The following TMEM144 variants were observed in gnomAD, a reference collection of about 807,000 sequenced individuals.
TMEM144 encodes the protein transmembrane protein 144.
In TMEM144, 39 loss-of-function variants were observed where a neutral mutation model predicts 43.6. That is an observed-to-expected ratio of 0.90 (90% CI 0.69 to 1.17). The LOEUF (loss-of-function observed/expected upper bound fraction) is 1.17. TMEM144 is among the 50% of genes most tolerant of loss of function. The probability of loss-of-function intolerance (pLI) is 0.00; values close to 1 mark genes in which losing one functional copy is unlikely to be tolerated. For missense variants in TMEM144, 417 were observed against 411.9 expected (o/e 1.01, Z -0.11); for synonymous variants, 154 against 133.6 (o/e 1.15, Z -1.06).
At chr4:158,212,533 A>C (rs528622509) in intron 2 of TMEM144, 75 bp from the exon 3 acceptor site, 2 of 610,840 alleles carry the variant, frequency 3.3e-6, no homozygotes, top group Non-Finnish European at 5.6e-6. Context: ...TGAAAAATTC[A>C]ATAAATATAA....
At chr4:158,233,114 A>T (rs1735165350) in intron 7 of TMEM144, 132 bp downstream of exon 7, 1 of 640,748 alleles carries the variant, frequency 1.6e-6, no homozygotes, top group Non-Finnish European at 2.7e-6. Context: ...ATCTTAGCTT[A>T]TTTATTATGG....
chr4:158,217,287 A>AATAACATGTTTCTTCTGTATATTAC (rs1396885306), intron 4 of TMEM144, 34 bp from the exon 5 acceptor site: 2 of 1,394,570 alleles, frequency 1.4e-6, no homozygotes, highest in African/African-American at 2.9e-5. Flanking sequence ...TCTATATGGA[A>AATAACATGTTTCTTCTGTATATTAC]ATAACATGTT....
chr4:158,241,086 G>A (rs753741307), intron 10 of TMEM144, among the ~76,000 whole-genome samples: 7 of 151,806 alleles, frequency 4.6e-5, no homozygotes, highest in South Asian at 2.1e-4. Context: ...CTAAAGTGCT[G>A]TGAAAGTTTT....
chr4:158,234,540 C>CAA (rs796557173), intron 7 of TMEM144: 4 of 132,506 alleles, frequency 3.0e-5, no homozygotes, highest in African/African-American at 5.5e-5. Flanking sequence ...AACTCCATCT[C>CAA]AAAAAAAAAA....
rs1033588693 is a variant in TMEM144 at position 158,253,650 on chromosome 4, T to G, written c.*123T>G. The G allele has an allele frequency of 1.4e-6, 1 of 713,566 alleles. No homozygotes were observed. Among genetic ancestry groups the G allele is most frequent in the South Asian group, 2.0e-5 (1 of 50,048 alleles). The allele number at this position is 713,566 out of a possible 1,614,324, so 44.2% of individuals were successfully genotyped here. A position where few individuals can be genotyped will look rare whatever the true frequency, so the allele number is the denominator to read the frequency against. ...AAATGGATCTCAGCCACTGTTGGAGTGGGTAAATGATTTTTTTCCCCAAAA... is the reference window on the plus strand; with the variant it reads ...AAATGGATCTCAGCCACTGTTGGAGGGGGTAAATGATTTTTTTCCCCAAAA... On this transcript the variant is annotated 3_prime_UTR_variant, in exon 13 of 13. Transcript: ENST00000296529.
Position 158,255,222 on chromosome 4 carries a change from A to T in TMEM144, c.*1695A>T, listed in dbSNP as rs535582743. 6 of 152,190 alleles carry T rather than the reference A, an allele frequency of 3.9e-5. No homozygotes were observed. The highest frequency in any genetic ancestry group is 1.3e-4 in the Admixed American group (2 of 15,274). 9.4% of individuals were successfully genotyped at this position (152,190 alleles called of 1,614,324 possible). On this transcript the variant is annotated 3_prime_UTR_variant, in exon 13 of 13. Coordinates refer to ENST00000296529, the MANE Select transcript of TMEM144 (RefSeq NM_018342.5). The stretch of plus-strand genomic sequence containing the variant: ...GACTATAACTTCTTATACTCATTTT[A>T]ATTTTAACCTGAAATGTCATTAAAT...
chr4:158,228,795 T>A (rs1734910364), intron 6 of TMEM144, among the ~76,000 whole-genome samples: 1 of 151,990 alleles, frequency 6.6e-6, no homozygotes, highest in African/African-American at 2.4e-5. Flanking sequence ...GACACGGAGT[T>A]AAAGAAGGAA....
intron 10 of TMEM144, among the ~76,000 whole-genome samples, chr4:158,241,259 C>T (rs1735622881): frequency 6.6e-6 from 1 of 152,016 alleles, no homozygotes; most frequent in Non-Finnish European, 1.5e-5. Flanking sequence ...CCAGTCTCTA[C>T]CTCTTTTACT....
chr4:158,219,455 C>T, intron 6 of TMEM144, 65 bp downstream of exon 6: 1 of 1,434,388 alleles, frequency 7.0e-7, no homozygotes, highest in Non-Finnish European at 9.8e-7. Context: ...TTTAAGGATC[C>T]TGCTATGTTT....
chr4:158,247,106 A>T (rs1340046289), intron 12 of TMEM144, among the ~76,000 whole-genome samples: 1 of 151,934 alleles, frequency 6.6e-6, no homozygotes, highest in East Asian at 1.9e-4. Context: ...GAATGCAAGG[A>T]TCGTTCATAA....
rs5863314 is a variant in TMEM144, at chr4:158,250,195, CATATATATATATATATAT to C, written c.955-3231_955-3214del. On this transcript the variant is annotated intron_variant, in intron 12 of 12. Coordinates refer to ENST00000296529, the MANE Select transcript of TMEM144 (RefSeq NM_018342.5). ...TTTGATTTTGTTAATTAATACATAACATATATATATATATATATATATATATATATATATAGTTACATA... is the reference window on the plus strand; with the variant it reads ...TTTGATTTTGTTAATTAATACATAACATATATATATATATATAGTTACATA... Among the ~76,000 whole-genome samples, 859 of 135,544 alleles carry C rather than the reference CATATATATATATATATAT, an allele frequency of 6.3e-3. 10 individuals are homozygous for C. The highest frequency in any genetic ancestry group is 0.02 in the African/African-American group (763 of 38,406). 88.9% of individuals were successfully genotyped at this position (135,544 alleles called of 152,430 possible). A position where few individuals can be genotyped will look rare whatever the true frequency, so the allele number is the denominator to read the frequency against.
chr4:158,252,369 C>G (rs1479695353), intron 12 of TMEM144, among the ~76,000 whole-genome samples: 2 of 152,136 alleles, frequency 1.3e-5, no homozygotes, highest in African/African-American at 2.4e-5. Context: ...CTCCATCTAC[C>G]CATCATCATC....
In TMEM144 at chr4:158,217,293, A is replaced by G. The variant is rs746476487; in HGVS notation, c.233-28A>G. ...AATGTATTTTCTATATGGAAATAACATGTTTCTTCTGTATATTACATCTAC... is the reference window on the plus strand; with the variant it reads ...AATGTATTTTCTATATGGAAATAACGTGTTTCTTCTGTATATTACATCTAC... On this transcript the variant is annotated intron_variant, in intron 4 of 12. Transcript: ENST00000296529. 2.0e-5 allele frequency: 29 copies of G among 1,425,404 alleles called. No homozygotes were observed. The South Asian group carries it at 2.6e-4, about 13-fold the overall frequency. 88.3% of individuals were successfully genotyped at this position (1,425,404 alleles called of 1,614,324 possible).
chr4:158,251,131 G>A (rs1736180958), intron 12 of TMEM144, among the ~76,000 whole-genome samples: 1 of 152,168 alleles, frequency 6.6e-6, no homozygotes, highest in South Asian at 2.1e-4. Flanking sequence ...GGATCTAATA[G>A]TATTATTAAA....
At chr4:158,245,258 G>A (rs1579150485) in intron 12 of TMEM144, among the ~76,000 whole-genome samples, 1 of 94,946 alleles carries the variant, frequency 1.1e-5, no homozygotes. Flanking sequence ...GTGTGTGTGT[G>A]TGTGTATGTA....
intron 12 of TMEM144, among the ~76,000 whole-genome samples, chr4:158,245,843 C>G (rs113539262): frequency 5.9e-5 from 9 of 152,090 alleles, no homozygotes; most frequent in African/African-American, 1.9e-4. Context: ...AGGGAGGATT[C>G]CTTGGGTTCA....
Position 158,217,335 on chromosome 4 carries a change from G to T in TMEM144, c.247G>T (p.Val83Phe), listed in dbSNP as rs1265125833. 1 of 1,611,646 alleles carries T rather than the reference G, an allele frequency of 6.2e-7. No homozygotes were observed. Among genetic ancestry groups the T allele is most frequent in the Non-Finnish European group, 8.5e-7 (1 of 1,178,246 alleles). Residue 83 changes from valine (V) to phenylalanine (F), a missense_variant, in exon 5 of 13, where the codon GTC becomes TTC. Val to Phe is a conservative substitution (Grantham distance 50). Transcript: ENST00000296529. The stretch of plus-strand genomic sequence containing the variant: ...TACATCTACAGGGAACATTGCTGTT[G>T]TCCCAATTATCAAAACCATTGGTTT... ...CIWATGNIAVVPIIKTIGLGL... is the reference protein window; with the variant it reads ...CIWATGNIAVFPIIKTIGLGL...
At position 158,215,321 on chromosome 4, in the gene TMEM144, C is replaced by A. The variant is rs773498019; in HGVS notation, c.232+8C>A. Reference sequence around the variant, plus strand: ...GCTGCATTTGGGCAACAGGTAATGTCTGATATAACTTATACTTTTATTATG... The same window carrying A: ...GCTGCATTTGGGCAACAGGTAATGTATGATATAACTTATACTTTTATTATG... On this transcript the variant is annotated splice_region_variant and intron_variant, in intron 4 of 12. Transcript: ENST00000296529. 2 of 1,612,518 alleles carry A rather than the reference C, an allele frequency of 1.2e-6. No homozygotes were observed. Among genetic ancestry groups the A allele is most frequent in the African/African-American group, 2.7e-5 (2 of 74,824 alleles).
In TMEM144 at chr4:158,215,170, ACT is replaced by A. The variant is rs1734155789; in HGVS notation, c.110-20_110-19del. Reference sequence around the variant, plus strand: ...ACTCAATTCAATTTGAACCACTAACACTGAGTTTGTTTATTTCTAGGAATGTT... The same window carrying A: ...ACTCAATTCAATTTGAACCACTAACAGAGTTTGTTTATTTCTAGGAATGTT... On this transcript the variant is annotated intron_variant, in intron 3 of 12. Transcript: ENST00000296529. 1 of 1,613,120 alleles carries A rather than the reference ACT, an allele frequency of 6.2e-7. No homozygotes were observed. Among genetic ancestry groups the A allele is most frequent in the Non-Finnish European group, 8.5e-7 (1 of 1,179,360 alleles).
Sources: allele counts gnomAD v4.1 joint callset (sites outside exome capture counted in the v4.1 genomes callset), GRCh38; gene constraint gnomAD v4.1.1; transcripts MANE v1.5; gene names NCBI Gene and HGNC (gene_info 2026-07-23, HGNC 2026-07-21).